Variants in SCFD1 observed in about 807,000 individuals in gnomAD.
SCFD1 encodes the protein sec1 family domain containing 1.
SCFD1 carries 37 observed loss-of-function variants against 103.2 expected under a neutral mutation model. The ratio of observed to expected loss-of-function variants is 0.36; its 90% CI spans 0.28 to 0.47. The LOEUF is 0.47. SCFD1 is among the 20% of genes least tolerant of loss of function. The pLI, the probability that SCFD1 is intolerant of heterozygous loss-of-function variation, is 1.00. For missense variants in SCFD1, 639 were observed against 761.2 expected (o/e 0.84, Z 1.89); for synonymous variants, 264 against 245.0 (o/e 1.08, Z -0.73).
chr14:30,715,741 A>G, intron 19 of SCFD1, 183 bp from the exon 20 acceptor site: 2 of 494,630 alleles, frequency 4.0e-6, no homozygotes, highest in Non-Finnish European at 7.1e-6. Flanking sequence ...TTTCCTGTGG[A>G]AACTTGAGTA....
In SCFD1 at chr14:30,711,097, A is replaced by G. The variant is rs139258380; in HGVS notation, c.1629+3032A>G. Among the ~76,000 whole-genome samples the G allele has an allele frequency of 1.7e-3, 253 of 152,350 alleles. 2 individuals carry two copies. The Middle Eastern group carries it at 0.02, about 12-fold the overall frequency. ...CTATTTGTGTGAGGATAATTGTACA[A>G]GAATGTGAAGATGAATAATGTAGCA... On this transcript the variant is annotated intron_variant, in intron 19 of 24. Coordinates refer to ENST00000458591, the MANE Select transcript of SCFD1 (RefSeq NM_016106.4).
In SCFD1 at chr14:30,715,746, T is replaced by C. The variant is rs1218279630; in HGVS notation, c.1630-178T>C. 36 of 500,538 alleles carry C rather than the reference T, an allele frequency of 7.2e-5. 1 individual carries two copies. In the South Asian group the frequency reaches 8.4e-4, roughly 12 times the overall value. 31.0% of individuals were successfully genotyped at this position (500,538 alleles called of 1,614,324 possible). ...AGAATTATATTTTCCTGTGGAAACT[T>C]GAGTAGTGCCAAGAGTATTTACATC... On this transcript the variant is annotated intron_variant, in intron 19 of 24. Coordinates refer to ENST00000458591, the MANE Select transcript of SCFD1 (RefSeq NM_016106.4).
At chr14:30,725,868 T>A (rs1298628950) in intron 23 of SCFD1, among the ~76,000 whole-genome samples, 1 of 152,194 alleles carries the variant, frequency 6.6e-6, no homozygotes, top group Admixed American at 6.5e-5. Flanking sequence ...AGAAACCAGA[T>A]GCAAACCGTC....
rs751148935 is a variant in SCFD1 at position 30,694,822 on chromosome 14, A to G, written c.1292A>G (p.Lys431Arg). ...YFEYEEKIMSKTTLDKSLLDI... is the reference protein window; with the variant it reads ...YFEYEEKIMSRTTLDKSLLDI... ...GAATATGAAGAAAAAATAATGAGCA[A>G]AACTACTCTGGATAAATCTCTTCTA... Residue 431 changes from lysine (K) to arginine (R), a missense_variant, in exon 15 of 25, where the codon AAA becomes AGA. By Grantham distance (26) the Lys-to-Arg change is conservative. Transcript: ENST00000458591. 1.9e-6 allele frequency: 3 copies of G among 1,582,916 alleles called. No homozygotes were observed. The highest frequency in any genetic ancestry group is 1.7e-6 in the Non-Finnish European group (2 of 1,170,916).
chr14:30,658,685 A>C (rs1364451347), intron 10 of SCFD1, among the ~76,000 whole-genome samples: 2 of 152,148 alleles, frequency 1.3e-5, no homozygotes, highest in Non-Finnish European at 2.9e-5. Flanking sequence ...GAGCTAACGC[A>C]CCTAGCTAAG....
chr14:30,729,411 G>C (rs1893284201), intron 23 of SCFD1, among the ~76,000 whole-genome samples: 1 of 152,026 alleles, frequency 6.6e-6, no homozygotes, highest in South Asian at 2.1e-4. Context: ...TCATCTTTTT[G>C]CATATCCAGT....
intron 19 of SCFD1, among the ~76,000 whole-genome samples, chr14:30,709,443 G>A (rs1431406572): frequency 1.3e-5 from 2 of 152,080 alleles, no homozygotes; most frequent in Admixed American, 1.3e-4. Flanking sequence ...ATGTCGCCCA[G>A]GCAGGTCTTG....
chr14:30,682,394 C>A (rs1889558974), intron 14 of SCFD1, among the ~76,000 whole-genome samples: 1 of 152,238 alleles, frequency 6.6e-6, no homozygotes, highest in South Asian at 2.1e-4. Context: ...CATAGAACAC[C>A]TTTAAATACA....
At chr14:30,696,025 A>G (rs1192402407) in intron 15 of SCFD1, among the ~76,000 whole-genome samples, 1 of 152,238 alleles carries the variant, frequency 6.6e-6, no homozygotes, top group Non-Finnish European at 1.5e-5. Flanking sequence ...AGATCATTTC[A>G]CAATAGTTTT....
At chr14:30,711,165 C>A (rs1021722208) in intron 19 of SCFD1, among the ~76,000 whole-genome samples, 1 of 152,092 alleles carries the variant, frequency 6.6e-6, no homozygotes, top group African/African-American at 2.4e-5. Flanking sequence ...TCTCTTTGGC[C>A]TGTTTGCAAA....
chr14:30,733,332 AGAGT>A (rs1195303560), intron 23 of SCFD1, among the ~76,000 whole-genome samples: 1 of 152,206 alleles, frequency 6.6e-6, no homozygotes, highest in African/African-American at 2.4e-5. Flanking sequence ...TTTAACTGAC[AGAGT>A]AAGTAAAGGG....
Position 30,716,008 on chromosome 14 carries a change from T to G in SCFD1, c.1683+31T>G, listed in dbSNP as rs367753989. On this transcript the variant is annotated intron_variant, in intron 20 of 24. Transcript: ENST00000458591. The stretch of plus-strand genomic sequence containing the variant: ...TACCATATAACATATTTTGTGTAAA[T>G]TCCCGAATGTGTCAAACTGACTAGT... 4 of 1,277,242 alleles carry G rather than the reference T, an allele frequency of 3.1e-6. No individual in the cohort carries two copies. In the African/African-American group the frequency reaches 4.5e-5, roughly 14 times the overall value. 79.1% of individuals were successfully genotyped at this position (1,277,242 alleles called of 1,614,324 possible). A position where few individuals can be genotyped will look rare whatever the true frequency, so the allele number is the denominator to read the frequency against.
intron 14 of SCFD1, among the ~76,000 whole-genome samples, chr14:30,683,898 C>G (rs1271432769): frequency 6.6e-6 from 1 of 152,058 alleles, no homozygotes; most frequent in Non-Finnish European, 1.5e-5. Flanking sequence ...AGAATTGGGG[C>G]TGAAGAAGAG....
At chr14:30,630,101 CTA>C (rs57037486) in intron 2 of SCFD1, among the ~76,000 whole-genome samples, 3,366 of 152,060 alleles carry the variant, frequency 0.022, 128 homozygotes, top group African/African-American at 0.077. Context: ...TTTATAGTCT[CTA>C]TTTTTTTAAA....
intron 14 of SCFD1, among the ~76,000 whole-genome samples, chr14:30,691,840 C>CA (rs1420447673): frequency 6.6e-6 from 1 of 151,946 alleles, no homozygotes; most frequent in Non-Finnish European, 1.5e-5. Context: ...CAAAATGAAC[C>CA]AAATGCCTGT....
chr14:30,692,012 C>T (rs1179347231), intron 14 of SCFD1, among the ~76,000 whole-genome samples: 3 of 151,634 alleles, frequency 2.0e-5, no homozygotes, highest in Admixed American at 6.6e-5. Flanking sequence ...CTCAAACTCC[C>T]AAGGCTCAAG....
rs372969410 is a variant in SCFD1 at position 30,702,358 on chromosome 14, A to G, written c.1473A>G (p.Gln491=). ...CAGGATGCAACCTTAATCCTTTACAATATATCAAACAGTGGAAGTAAGTTT... is the reference window on the plus strand; with the variant it reads ...CAGGATGCAACCTTAATCCTTTACAGTATATCAAACAGTGGAAGTAAGTTT... ...TDAGCNLNPL[Q]YIKQWKAFTK... Residue 491 remains glutamine (Q), a synonymous_variant, in exon 17 of 25, where the codon CAA becomes CAG. Coordinates refer to ENST00000458591, the MANE Select transcript of SCFD1 (RefSeq NM_016106.4). 12 of 1,587,648 alleles carry G rather than the reference A, an allele frequency of 7.6e-6. No homozygotes were observed. The highest frequency in any genetic ancestry group is 6.8e-5 in the African/African-American group (5 of 74,014).
intron 14 of SCFD1, among the ~76,000 whole-genome samples, chr14:30,682,557 G>A (rs983248259): frequency 3.9e-5 from 6 of 152,140 alleles, no homozygotes; most frequent in Non-Finnish European, 8.8e-5. Context: ...ATTATACAAA[G>A]CAATTGAGTT....
chr14:30,734,979 C>T (rs1411842873), intron 24 of SCFD1, 121 bp downstream of exon 24: 4 of 695,414 alleles, frequency 5.8e-6, no homozygotes, highest in Non-Finnish European at 9.9e-6. Flanking sequence ...AGCCATCCAG[C>T]TATACCAAGA....
Sources: gnomAD v4.1 joint callset for allele counts (sites outside exome capture counted in the v4.1 genomes callset) on GRCh38, gnomAD v4.1.1 for gene constraint, MANE v1.5 for transcripts, NCBI Gene and HGNC (gene_info 2026-07-23, HGNC 2026-07-21) for gene names.